GRM3: variants seen among roughly 807,000 people sequenced by gnomAD.
The protein encoded by GRM3 is metabotropic glutamate receptor 3.
A neutral mutation model predicts 70.5 loss-of-function variants in GRM3; 26 were observed. The ratio of observed to expected loss-of-function variants is 0.37; its 90% confidence interval spans 0.27 to 0.51. GRM3 has a LOEUF of 0.51. Ranked by LOEUF, GRM3 falls within the 20% of genes least tolerant of loss-of-function variation. The pLI is 0.93. For missense variants in GRM3, 859 were observed against 1,123.8 expected, an observed-to-expected ratio of 0.76 and a Z score of 3.37; for synonymous variants, 443 against 434.9, an observed-to-expected ratio of 1.02 and a Z score of -0.23.
chr7:86,767,135 C>T (rs1213542637), intron 2 of GRM3, among the ~76,000 whole-genome samples: 1 of 151,950 alleles, frequency 6.6e-6, no homozygotes, highest in Non-Finnish European at 1.5e-5. Flanking sequence ...TCACTTGAAC[C>T]CAGGGGGCAG....
chr7:86,685,114 G>A (rs1794532781), intron 1 of GRM3, among the ~76,000 whole-genome samples: 1 of 152,046 alleles, frequency 6.6e-6, no homozygotes, highest in Non-Finnish European at 1.5e-5. Flanking sequence ...CCTCATATTT[G>A]CAGCATGACT....
chr7:86,806,416 T>C (rs957591239), intron 3 of GRM3, among the ~76,000 whole-genome samples: 7 of 152,188 alleles, frequency 4.6e-5, no homozygotes, highest in African/African-American at 1.7e-4. Context: ...ACCTGTTGTT[T>C]CCTGACTTTT....
In GRM3 at chr7:86,731,792, A is replaced by T. The variant is rs114014520; in HGVS notation, c.-140-33214A>T. Among the ~76,000 whole-genome samples the T allele has an allele frequency of 2.3e-3, 352 of 152,338 alleles. 3 individuals carry two copies. Among genetic ancestry groups the T allele is most frequent in the African/African-American group, 8.1e-3 (338 of 41,568 alleles). Reference sequence around the variant, plus strand: ...CCCATGAGGAACATAATGGTATTCAAGTAACTATTAAATGACTGAATGACT... The same window carrying T: ...CCCATGAGGAACATAATGGTATTCATGTAACTATTAAATGACTGAATGACT... On this transcript the variant is annotated intron_variant, in intron 1 of 5. Coordinates refer to ENST00000361669, the MANE Select transcript of GRM3 (RefSeq NM_000840.3).
At chr7:86,855,406 G>A (rs1159355093) in intron 5 of GRM3, among the ~76,000 whole-genome samples, 2 of 152,212 alleles carry the variant, frequency 1.3e-5, no homozygotes, top group East Asian at 3.9e-4. Flanking sequence ...CCCAGACTTG[G>A]TCCTATAAGG....
chr7:86,687,131 T>C (rs960562401), intron 1 of GRM3, among the ~76,000 whole-genome samples: 1 of 151,908 alleles, frequency 6.6e-6, no homozygotes, highest in Non-Finnish European at 1.5e-5. Flanking sequence ...AAAGCTCTGA[T>C]ATACATGTAA....
rs144817119 is a variant in GRM3, at chr7:86,803,788, T to C, written c.1324+16672T>C. ...TGTTTGTTTGTTTGTTTTTCCCTCA[T>C]GTTTGATGGCCCACCACAAAAGCTC... On this transcript the variant is annotated intron_variant, in intron 3 of 5. Transcript: ENST00000361669. Among the ~76,000 whole-genome samples the C allele has an allele frequency of 1.6e-3, 246 of 152,138 alleles. 2 individuals are homozygous for C. Among genetic ancestry groups the C allele is most frequent in the African/African-American group, 5.6e-3 (232 of 41,482 alleles).
intron 2 of GRM3, among the ~76,000 whole-genome samples, chr7:86,773,433 C>T (rs1298316492): frequency 2.6e-5 from 4 of 151,984 alleles, no homozygotes; most frequent in Non-Finnish European, 5.9e-5. Flanking sequence ...TTGAGACTCA[C>T]AGAGGTCAAG....
chr7:86,750,112 G>A (rs1420630868), intron 1 of GRM3, among the ~76,000 whole-genome samples: 1 of 152,036 alleles, frequency 6.6e-6, no homozygotes, highest in Non-Finnish European at 1.5e-5. Context: ...GAGGTTTGTC[G>A]TAAAGTGATA....
chr7:86,683,934 C>A (rs1260131561), intron 1 of GRM3, among the ~76,000 whole-genome samples: 1 of 152,010 alleles, frequency 6.6e-6, no homozygotes, highest in African/African-American at 2.4e-5. Context: ...TTTCCCAGGA[C>A]GGTTTTTTAA....
chr7:86,855,683 C>T (rs918121978), intron 5 of GRM3, among the ~76,000 whole-genome samples: 5 of 152,156 alleles, frequency 3.3e-5, no homozygotes, highest in Non-Finnish European at 5.9e-5. Context: ...AGTGAACACT[C>T]TTCTAGAATC....
chr7:86,796,200 T>C (rs929765235), intron 3 of GRM3, among the ~76,000 whole-genome samples: 7 of 152,224 alleles, frequency 4.6e-5, no homozygotes, highest in Non-Finnish European at 1.0e-4. Context: ...TTTTGGGGTT[T>C]ACATTAAAGT....
chr7:86,749,971 T>G (rs1796191654), intron 1 of GRM3, among the ~76,000 whole-genome samples: 1 of 152,004 alleles, frequency 6.6e-6, no homozygotes, highest in African/African-American at 2.4e-5. Flanking sequence ...TAAGCTAGTT[T>G]TACTCATCTA....
intron 1 of GRM3, among the ~76,000 whole-genome samples, chr7:86,647,708 TAGA>T (rs1337533294): frequency 6.6e-6 from 1 of 152,200 alleles, no homozygotes; most frequent in African/African-American, 2.4e-5. Context: ...CATAAAATGA[TAGA>T]AGATTATCTA....
chr7:86,752,501 G>T (rs147870772), intron 1 of GRM3, among the ~76,000 whole-genome samples: 6 of 152,200 alleles, frequency 3.9e-5, no homozygotes, highest in African/African-American at 1.4e-4. Context: ...TGTTAGTCTT[G>T]TTAGTTGAAA....
intron 1 of GRM3, among the ~76,000 whole-genome samples, chr7:86,674,239 A>T (rs1371311397): frequency 1.3e-5 from 2 of 151,970 alleles, no homozygotes; most frequent in Non-Finnish European, 2.9e-5. Context: ...TTCACCCCCA[A>T]GATGTTTTCC....
chr7:86,726,577 C>G (rs1459270864), intron 1 of GRM3, among the ~76,000 whole-genome samples: 1 of 152,126 alleles, frequency 6.6e-6, no homozygotes, highest in Non-Finnish European at 1.5e-5. Context: ...CTAACCATTT[C>G]CCCCATATTT....
intron 1 of GRM3, among the ~76,000 whole-genome samples, chr7:86,656,527 C>A (rs1173329672): frequency 6.6e-6 from 1 of 151,916 alleles, no homozygotes; most frequent in Non-Finnish European, 1.5e-5. Flanking sequence ...CCTTGGCCTC[C>A]CAAAGTGCTG....
chr7:86,780,608 T>C (rs1175126121), intron 2 of GRM3, among the ~76,000 whole-genome samples: 1 of 152,204 alleles, frequency 6.6e-6, no homozygotes, highest in Non-Finnish European at 1.5e-5. Flanking sequence ...GCATGCCGCC[T>C]CTCAGGCCCT....
chr7:86,863,472 C>A (rs1284343411), intron 5 of GRM3, among the ~76,000 whole-genome samples: 1 of 152,120 alleles, frequency 6.6e-6, no homozygotes, highest in Non-Finnish European at 1.5e-5. Context: ...ATCAGCAGGG[C>A]CACACCATAA....
Sources: gnomAD v4.1 joint callset for allele counts (sites outside exome capture counted in the v4.1 genomes callset) on GRCh38, gnomAD v4.1.1 for gene constraint, MANE v1.5 for transcripts, NCBI Gene and HGNC (gene_info 2026-07-23, HGNC 2026-07-21) for gene names.